The following SGCD variants were observed in gnomAD, a reference collection of about 807,000 sequenced individuals.
SGCD encodes delta-sarcoglycan.
A neutral mutation model predicts 36.6 loss-of-function variants in SGCD; 18 were observed. The ratio of observed to expected loss-of-function variants is 0.49; its 90% CI spans 0.34 to 0.73. The LOEUF is 0.73. SGCD is among the 30% of genes least tolerant of loss of function. The pLI is 0.01. For missense variants in SGCD, 387 were observed against 346.7 expected (o/e 1.12, Z -0.92); for synonymous variants, 133 against 130.6 (o/e 1.02, Z -0.12).
At chr5:156,181,475 G>A (rs1242870194) in intron 3 of SGCD, among the ~76,000 whole-genome samples, 1 of 152,140 alleles carries the variant, frequency 6.6e-6, no homozygotes, top group Non-Finnish European at 1.5e-5. Context: ...TTAAACTAAG[G>A]AGAAGGGGAC....
chr5:156,604,171 T>C (rs1761320573), intron 6 of SGCD, among the ~76,000 whole-genome samples: 1 of 152,014 alleles, frequency 6.6e-6, no homozygotes, highest in East Asian at 1.9e-4. Context: ...TTTTACAGTT[T>C]TTGACTTAAA....
chr5:156,753,606 A>C (rs1456287101), intron 7 of SGCD, among the ~76,000 whole-genome samples: 1 of 152,176 alleles, frequency 6.6e-6, no homozygotes, highest in Non-Finnish European at 1.5e-5. Flanking sequence ...ATTGATTCAC[A>C]GTTCCCCATG....
At chr5:156,564,654 A>T (rs1305024134) in intron 4 of SGCD, among the ~76,000 whole-genome samples, 2 of 151,518 alleles carry the variant, frequency 1.3e-5, no homozygotes, top group African/African-American at 2.4e-5. Context: ...CCCATTCCCT[A>T]TTTCCCCCAG....
intron 7 of SGCD, among the ~76,000 whole-genome samples, chr5:156,681,507 G>T (rs547978335): frequency 3.3e-5 from 5 of 152,318 alleles, no homozygotes; most frequent in Non-Finnish European, 5.9e-5. Context: ...GAAAAATGGG[G>T]TCAGCTGTTT....
chr5:156,588,141 C>T (rs10077411), intron 4 of SGCD, among the ~76,000 whole-genome samples: 1 of 151,468 alleles, frequency 6.6e-6, no homozygotes, highest in South Asian at 2.1e-4. Flanking sequence ...GCTTTAGTTT[C>T]CTCTAAGAAA....
chr5:156,439,807 A>G (rs1243652621), intron 3 of SGCD, among the ~76,000 whole-genome samples: 1 of 152,090 alleles, frequency 6.6e-6, no homozygotes, highest in East Asian at 1.9e-4. Flanking sequence ...ATTAGCCAGG[A>G]ATCCTTTATG....
intron 1 of SGCD, among the ~76,000 whole-genome samples, chr5:156,094,074 T>C (rs562568820): frequency 5.3e-4 from 81 of 152,274 alleles, no homozygotes; most frequent in African/African-American, 1.8e-3. Context: ...TCCCTCATCA[T>C]ACTCTGGAAG....
intron 3 of SGCD, among the ~76,000 whole-genome samples, chr5:156,450,140 A>T (rs762577846): frequency 1.3e-5 from 2 of 152,004 alleles, no homozygotes; most frequent in African/African-American, 2.4e-5. Context: ...TTTCAATATT[A>T]TTCTGTCTTA....
chr5:155,775,803 G>C, the SGCD span, among the ~76,000 whole-genome samples: 1,404 of 152,238 alleles, frequency 9.2e-3, 21 homozygotes, highest in African/African-American at 0.032. Context: ...AGAGAAGTCT[G>C]TTCCCTCAGG....
intron 1 of SGCD, among the ~76,000 whole-genome samples, chr5:156,083,949 A>G (rs745869278): frequency 1.1e-4 from 17 of 152,136 alleles, no homozygotes; most frequent in Non-Finnish European, 2.2e-4. Flanking sequence ...TGACTGTACC[A>G]TTGATCTATG....
rs190178017 is a variant in SGCD, at chr5:155,900,514, G to T, written c.-282+30090G>T. Among the ~76,000 whole-genome samples, 6 of 151,618 alleles carry T rather than the reference G, an allele frequency of 4.0e-5. No individual in the cohort carries two copies. The East Asian group carries it at 1.2e-3, about 30-fold the overall frequency. ...ATGTATACATGTGCCATGCTGGTGC[G>T]CTGCACCCACTAACTCGTCATCTAG... is the stretch of plus-strand genomic sequence containing the variant. On this transcript the variant is annotated intron_variant, in intron 1 of 9. Coordinates refer to the SGCD transcript ENST00000517913.
intron 4 of SGCD, among the ~76,000 whole-genome samples, chr5:156,561,824 A>G (rs1759278132): frequency 1.3e-5 from 2 of 152,186 alleles, no homozygotes; most frequent in Admixed American, 1.3e-4. Flanking sequence ...ATTTGGGTTT[A>G]AATCCCAACT....
chr5:156,048,677 T>G (rs1226312802), intron 1 of SGCD, among the ~76,000 whole-genome samples: 2 of 152,170 alleles, frequency 1.3e-5, no homozygotes, highest in Non-Finnish European at 2.9e-5. Context: ...GGGTTGTTTG[T>G]TTTTTTCTTG....
chr5:156,590,827 T>C, intron 5 of SGCD, among the ~76,000 whole-genome samples: 1 of 150,258 alleles, frequency 6.7e-6, no homozygotes, highest in South Asian at 2.2e-4. Context: ...CTCTCCCTAT[T>C]CCTTCCCCTC....
chr5:156,139,177 T>C (rs762264593), intron 3 of SGCD, among the ~76,000 whole-genome samples: 12 of 152,246 alleles, frequency 7.9e-5, no homozygotes, highest in Non-Finnish European at 1.8e-4. Context: ...AGTTATTAAT[T>C]TTGATGAAGT....
chr5:155,870,259 A>G (rs1260603861), upstream of SGCD: 4 of 152,212 alleles, frequency 2.6e-5, no homozygotes, highest in East Asian at 7.7e-4. Flanking sequence ...AATATGAGTA[A>G]TAATGAAGAT....
chr5:156,691,996 G>C (rs941126563), intron 7 of SGCD, among the ~76,000 whole-genome samples: 10 of 152,172 alleles, frequency 6.6e-5, no homozygotes, highest in Non-Finnish European at 1.3e-4. Flanking sequence ...AGGAAATTTT[G>C]ATGTGTGGAA....
At chr5:156,357,558 T>C (rs763273925) in intron 3 of SGCD, among the ~76,000 whole-genome samples, 6 of 152,234 alleles carry the variant, frequency 3.9e-5, no homozygotes, top group Non-Finnish European at 8.8e-5. Flanking sequence ...CAAGCGGTTT[T>C]ATTCTCATGA....
At chr5:156,182,819 G>T (rs1348791189) in intron 3 of SGCD, among the ~76,000 whole-genome samples, 1 of 152,114 alleles carries the variant, frequency 6.6e-6, no homozygotes, top group Non-Finnish European at 1.5e-5. Context: ...TAGCCAGTGA[G>T]GTGTTAGCAA....
Sources: gnomAD v4.1 joint callset for allele counts (sites outside exome capture counted in the v4.1 genomes callset) on GRCh38, gnomAD v4.1.1 for gene constraint, MANE v1.5 for transcripts, NCBI Gene and HGNC (gene_info 2026-07-23, HGNC 2026-07-21) for gene names.